Variants in KCNN3 observed in about 807,000 individuals in gnomAD.
KCNN3 encodes small conductance calcium-activated potassium channel protein 3.
KCNN3 carries 16 observed loss-of-function variants against 62.9 expected under a neutral mutation model. That is an observed-to-expected ratio of 0.25 (90% CI 0.17 to 0.39). KCNN3 has a LOEUF of 0.39. Ranked by LOEUF, KCNN3 falls within the 10% of genes least tolerant of loss-of-function variation. The pLI is 1.00. For missense variants in KCNN3, 599 were observed against 949.4 expected (o/e 0.63, Z 4.85); for synonymous variants, 370 against 389.2 (o/e 0.95, Z 0.58).
chr1:154,839,246 C>A (rs994287951), intron 1 of KCNN3, among the ~76,000 whole-genome samples: 2 of 152,098 alleles, frequency 1.3e-5, no homozygotes, highest in African/African-American at 4.8e-5. Flanking sequence ...GGAAGCAGGG[C>A]GCAGTTGTGC....
intron 1 of KCNN3, among the ~76,000 whole-genome samples, chr1:154,835,943 T>G (rs1651565102): frequency 6.6e-6 from 1 of 152,186 alleles, no homozygotes; most frequent in Admixed American, 6.5e-5. Context: ...GTCTTCTGTA[T>G]AGACTGATGA....
In KCNN3 at chr1:154,721,477, T is replaced by C. The variant is rs542721875; in HGVS notation, c.1701+4439A>G. On this transcript the variant is annotated intron_variant, in intron 5 of 7. Transcript: ENST00000271915. ...ACCATGCCCGGCTAATTTTTTGTAT[T>C]TTTAGTAGAGACGGGGTTTCACCAT... is the stretch of plus-strand genomic sequence containing the variant. Among the ~76,000 whole-genome samples, 18 of 152,130 alleles carry C rather than the reference T, an allele frequency of 1.2e-4. No individual in the cohort carries two copies. In the East Asian group the frequency reaches 3.5e-3, roughly 29 times the overall value.
chr1:154,846,865 T>G (rs533360638), intron 1 of KCNN3, among the ~76,000 whole-genome samples: 2 of 152,308 alleles, frequency 1.3e-5, no homozygotes, highest in African/African-American at 4.8e-5. Context: ...TGGTGCTGTG[T>G]ATCCATCTAG....
At chr1:154,822,275 G>C (rs879004264) in intron 1 of KCNN3, 91 bp from the exon 2 acceptor site, 77 of 915,488 alleles carry the variant, frequency 8.4e-5, no homozygotes, top group Non-Finnish European at 1.2e-4. Context: ...AAGGGGTGGG[G>C]ACACAGGAGG....
At chr1:154,725,283 G>A (rs1700437329) in intron 5 of KCNN3, among the ~76,000 whole-genome samples, 1 of 152,050 alleles carries the variant, frequency 6.6e-6, no homozygotes, top group African/African-American at 2.4e-5. Flanking sequence ...AAATATTTGA[G>A]CATAAACAAA....
intron 1 of KCNN3, among the ~76,000 whole-genome samples, chr1:154,843,708 G>A (rs1169176871): frequency 6.6e-6 from 1 of 152,180 alleles, no homozygotes; most frequent in Non-Finnish European, 1.5e-5. Flanking sequence ...GGGTAGGTGG[G>A]GAGTTCTCTC....
intron 2 of KCNN3, among the ~76,000 whole-genome samples, chr1:154,777,809 G>A (rs998149841): frequency 1.3e-5 from 2 of 152,210 alleles, no homozygotes; most frequent in Non-Finnish European, 2.9e-5. Context: ...AGGGAGTACC[G>A]TGGGCCCTCA....
At chr1:154,815,940 C>T (rs1650645605) in intron 2 of KCNN3, among the ~76,000 whole-genome samples, 1 of 152,300 alleles carries the variant, frequency 6.6e-6, no homozygotes, top group East Asian at 1.9e-4. Context: ...TTACAGACAC[C>T]CATGTCCCTG....
In KCNN3 at chr1:154,758,202, G is replaced by A. The variant is rs1466732; in HGVS notation, c.1448+13773C>T. Among the ~76,000 whole-genome samples the A allele has an allele frequency of 3.3e-5, 5 of 152,298 alleles. No individual in the cohort carries two copies. In the East Asian group the frequency reaches 9.7e-4, roughly 29 times the overall value. Reference sequence around the variant, plus strand: ...CTTTTAAAGTAGTGTCCCAGAGGGTGTTCAAAAGAGGCTGCATGACTCTGG... The same window carrying A: ...CTTTTAAAGTAGTGTCCCAGAGGGTATTCAAAAGAGGCTGCATGACTCTGG... On this transcript the variant is annotated intron_variant, in intron 3 of 7. Coordinates refer to ENST00000271915, the MANE Select transcript of KCNN3 (RefSeq NM_002249.6).
Position 154,707,892 on chromosome 1 carries a change from G to A in KCNN3, c.*84C>T. On this transcript the variant is annotated 3_prime_UTR_variant, in exon 8 of 8. Coordinates refer to ENST00000271915, the MANE Select transcript of KCNN3 (RefSeq NM_002249.6). The stretch of plus-strand genomic sequence containing the variant: ...CTTCTTTCCGTTCCCTGGTCTGAAT[G>A]TTTCTTGATGGCAAAGCGACCAGGA... The A allele has an allele frequency of 7.0e-7, 1 of 1,437,422 alleles. No individual in the cohort carries two copies. The highest frequency in any genetic ancestry group is 1.3e-5 in the South Asian group (1 of 76,110). 89.0% of individuals were successfully genotyped at this position (1,437,422 alleles called of 1,614,324 possible). A position where few individuals can be genotyped will look rare whatever the true frequency, so the allele number is the denominator to read the frequency against.
At chr1:154,859,724 A>G (rs1652684905) in intron 1 of KCNN3, 1 of 1,614,178 alleles carries the variant, frequency 6.2e-7, no homozygotes, top group Non-Finnish European at 8.5e-7. Context: ...TATAACCTGA[A>G]GCAAAACACC....
At chr1:154,837,356 G>A (rs1301028541) in intron 1 of KCNN3, among the ~76,000 whole-genome samples, 1 of 152,038 alleles carries the variant, frequency 6.6e-6, no homozygotes, top group East Asian at 1.9e-4. Context: ...TGTTGGCCAG[G>A]ATGGTCTCGA....
intron 6 of KCNN3, among the ~76,000 whole-genome samples, chr1:154,714,243 G>A (rs1367730723): frequency 0.045 from 5,992 of 134,482 alleles, no homozygotes; most frequent in Non-Finnish European, 0.053. Flanking sequence ...TGTGTGCGGT[G>A]TGTATGGTGT....
chr1:154,794,358 T>C (rs1649639074), intron 2 of KCNN3, among the ~76,000 whole-genome samples: 1 of 152,094 alleles, frequency 6.6e-6, no homozygotes, highest in African/African-American at 2.4e-5. Flanking sequence ...TAATAAACAC[T>C]TGATGAATGA....
In KCNN3 at chr1:154,701,805, A is replaced by G. The variant is rs1699858998; in HGVS notation, c.*6171T>C. ...CTTGTTGGGCCTTGTGTAGTTTGGA[A>G]AGCCGACCCCGGTTTCACGTACATG... On this transcript the variant is annotated 3_prime_UTR_variant, in exon 8 of 8. Transcript: ENST00000271915. 1 of 152,194 alleles carries G rather than the reference A, an allele frequency of 6.6e-6. No individual in the cohort carries two copies. 9.4% of individuals were successfully genotyped at this position (152,194 alleles called of 1,614,324 possible). A position where few individuals can be genotyped will look rare whatever the true frequency, so the allele number is the denominator to read the frequency against.
chr1:154,754,069 T>C (rs1047816520), intron 3 of KCNN3, among the ~76,000 whole-genome samples: 4 of 152,178 alleles, frequency 2.6e-5, no homozygotes, highest in African/African-American at 7.2e-5. Context: ...TTGTTGCTGA[T>C]GTTACTAAAA....
At chr1:154,817,285 T>G (rs1650706052) in intron 2 of KCNN3, among the ~76,000 whole-genome samples, 1 of 152,202 alleles carries the variant, frequency 6.6e-6, no homozygotes, top group Non-Finnish European at 1.5e-5. Flanking sequence ...TAAGACAAGA[T>G]GGTGGATCCT....
intron 2 of KCNN3, among the ~76,000 whole-genome samples, chr1:154,789,889 T>G (rs995270716): frequency 1.3e-5 from 2 of 150,786 alleles, no homozygotes; most frequent in Admixed American, 6.6e-5. Context: ...TGCTTGCTTT[T>G]TTTGTTTGTT....
intron 1 of KCNN3, among the ~76,000 whole-genome samples, chr1:154,863,618 G>A (rs942679694): frequency 1.6e-4 from 25 of 152,198 alleles, no homozygotes; most frequent in African/African-American, 5.1e-4. Context: ...ATTCTCTACA[G>A]AGGTTACTCA....
Sources: allele counts gnomAD v4.1 joint callset (sites outside exome capture counted in the v4.1 genomes callset), GRCh38; gene constraint gnomAD v4.1.1; transcripts MANE v1.5; gene names NCBI Gene and HGNC (gene_info 2026-07-23, HGNC 2026-07-21).